The following GPC5 variants were observed in gnomAD, a reference collection of about 807,000 sequenced individuals.
GPC5 encodes glypican 5.
In GPC5, 47 loss-of-function variants were observed where a neutral mutation model predicts 53.9. The ratio of observed to expected loss-of-function variants is 0.87; its 90% CI spans 0.69 to 1.11. GPC5 has a LOEUF of 1.11. Ranked by LOEUF, GPC5 falls within the 50% of genes most tolerant of loss-of-function variation. The pLI, the probability that GPC5 is intolerant of heterozygous loss-of-function variation, is 0.00. For synonymous variants in GPC5, 286 were observed against 263.3 expected, an observed-to-expected ratio of 1.09 and a Z score of -0.84; for missense variants, 748 against 713.1, an observed-to-expected ratio of 1.05 and a Z score of -0.56.
intron 6 of GPC5, among the ~76,000 whole-genome samples, chr13:92,096,098 A>G (rs747107451): frequency 6.6e-6 from 1 of 152,190 alleles, no homozygotes; most frequent in Non-Finnish European, 1.5e-5. Context: ...CAGTCACCAC[A>G]TGTCAGATGG....
intron 7 of GPC5, among the ~76,000 whole-genome samples, chr13:92,520,216 A>G (rs945971913): frequency 1.3e-5 from 2 of 152,196 alleles, no homozygotes; most frequent in African/African-American, 4.8e-5. Flanking sequence ...AGGAGCTGGT[A>G]CCATTCCTTC....
chr13:92,845,899 C>T (rs1473516148), intron 7 of GPC5, among the ~76,000 whole-genome samples: 1 of 152,022 alleles, frequency 6.6e-6, no homozygotes, highest in African/African-American at 2.4e-5. Context: ...TATTTAATAA[C>T]ATTGTAACCA....
At chr13:92,209,649 CAT>C (rs1413432910) in intron 7 of GPC5, among the ~76,000 whole-genome samples, 13 of 152,062 alleles carry the variant, frequency 8.5e-5, no homozygotes, top group Admixed American at 2.6e-4. Context: ...ATAAAAATAA[CAT>C]GTGTGTGAGA....
Position 92,282,961 on chromosome 13 carries a change from G to A in GPC5, c.1561+137972G>A, listed in dbSNP as rs544447226. ...ACACAGACTGGCTAATTGGATAAAAGAGTCAAGACCCATCAGTGTGCTGTA... is the reference window on the plus strand; with the variant it reads ...ACACAGACTGGCTAATTGGATAAAAAAGTCAAGACCCATCAGTGTGCTGTA... On this transcript the variant is annotated intron_variant, in intron 7 of 7. Coordinates refer to ENST00000377067, the MANE Select transcript of GPC5 (RefSeq NM_004466.6). Among the ~76,000 whole-genome samples, 13 of 152,288 alleles carry A rather than the reference G, an allele frequency of 8.5e-5. No individual in the cohort carries two copies. The East Asian group carries it at 2.3e-3, about 27-fold the overall frequency.
intron 1 of GPC5, among the ~76,000 whole-genome samples, chr13:91,427,580 T>A (rs1879147056): frequency 6.6e-6 from 1 of 152,186 alleles, no homozygotes. Flanking sequence ...TGTTTTTGAT[T>A]TTACAGGCTC....
chr13:92,693,274 G>A (rs1887466413), intron 7 of GPC5, among the ~76,000 whole-genome samples: 1 of 152,158 alleles, frequency 6.6e-6, no homozygotes, highest in Non-Finnish European at 1.5e-5. Context: ...AAGTTAACCT[G>A]AAAATGTGGA....
At chr13:92,100,710 A>G (rs2041459464) in intron 6 of GPC5, among the ~76,000 whole-genome samples, 1 of 152,238 alleles carries the variant, frequency 6.6e-6, no homozygotes, top group African/African-American at 2.4e-5. Context: ...GTCCACTGTC[A>G]TCTTTTTGGA....
At chr13:92,058,091 G>C (rs941991446) in intron 6 of GPC5, among the ~76,000 whole-genome samples, 2 of 152,188 alleles carry the variant, frequency 1.3e-5, no homozygotes, top group Admixed American at 1.3e-4. Flanking sequence ...GAAGAAGATT[G>C]AATCTCAGTT....
intron 7 of GPC5, among the ~76,000 whole-genome samples, chr13:92,700,441 T>C (rs771969933): frequency 1.3e-5 from 2 of 152,046 alleles, no homozygotes; most frequent in African/African-American, 2.4e-5. Flanking sequence ...CCCATTTACA[T>C]TTAAGGTTAA....
intron 7 of GPC5, among the ~76,000 whole-genome samples, chr13:92,813,944 CA>C (rs1203220735): frequency 6.6e-6 from 1 of 151,746 alleles, no homozygotes; most frequent in African/African-American, 2.4e-5. Flanking sequence ...AAACAATTTG[CA>C]AAAATAATTC....
intron 7 of GPC5, among the ~76,000 whole-genome samples, chr13:92,657,048 T>C (rs1834925567): frequency 6.6e-6 from 1 of 152,160 alleles, no homozygotes; most frequent in Admixed American, 6.6e-5. Context: ...TGAAATAATT[T>C]TAGGTAATTG....
intron 7 of GPC5, among the ~76,000 whole-genome samples, chr13:92,165,498 C>T (rs556842558): frequency 6.6e-6 from 1 of 152,200 alleles, no homozygotes; most frequent in East Asian, 1.9e-4. Flanking sequence ...GGCACTTCTT[C>T]ACAGGGTGAC....
In GPC5 at chr13:91,503,817, A is replaced by AATCATCATC. The variant is rs1230141661; in HGVS notation, c.325+54899_325+54900insTCATCATCA. Among the ~76,000 whole-genome samples, 949 of 147,410 alleles carry AATCATCATC rather than the reference A, an allele frequency of 6.4e-3. 15 individuals are homozygous for AATCATCATC. Among genetic ancestry groups the AATCATCATC allele is most frequent in the African/African-American group, 0.022 (894 of 40,094 alleles). On this transcript the variant is annotated intron_variant, in intron 2 of 7. Transcript: ENST00000377067. ...TAATAATAATAATAATAATAATAAT[A>AATCATCATC]ATCAGGCTGTTGTGGCACATTAGGG...
rs534065198 is a variant in GPC5 at position 91,407,464 on chromosome 13, G to A, written c.163+8255G>A. Among the ~76,000 whole-genome samples, 88 of 152,308 alleles carry A rather than the reference G, an allele frequency of 5.8e-4. 3 individuals carry two copies. The South Asian group carries it at 0.018, about 32-fold the overall frequency. On this transcript the variant is annotated intron_variant, in intron 1 of 7. Coordinates refer to ENST00000377067, the MANE Select transcript of GPC5 (RefSeq NM_004466.6). The stretch of plus-strand genomic sequence containing the variant: ...CGTCATGTAGTGGGGTGACTGATCT[G>A]CCTTACAGCATTGATCTGTTGTTGA...
intron 7 of GPC5, among the ~76,000 whole-genome samples, chr13:92,234,777 G>A (rs959562751): frequency 5.9e-5 from 9 of 151,954 alleles, no homozygotes; most frequent in Admixed American, 3.9e-4. Context: ...GAATTCTTAC[G>A]GCCTGGTGCA....
At chr13:92,815,887 A>T (rs189644297) in intron 7 of GPC5, among the ~76,000 whole-genome samples, 2 of 152,136 alleles carry the variant, frequency 1.3e-5, no homozygotes, top group East Asian at 3.9e-4. Flanking sequence ...GGGGAAAAAC[A>T]GTTTTGGAGA....
chr13:91,904,825 A>G (rs2039536478), intron 5 of GPC5, among the ~76,000 whole-genome samples: 3 of 152,182 alleles, frequency 2.0e-5, no homozygotes, highest in African/African-American at 7.2e-5. Flanking sequence ...GAGTGGAAGC[A>G]CTGGAGCATG....
chr13:92,779,062 T>C (rs1374466774), intron 7 of GPC5, among the ~76,000 whole-genome samples: 2 of 152,050 alleles, frequency 1.3e-5, no homozygotes, highest in Non-Finnish European at 2.9e-5. Flanking sequence ...GATAAAGACA[T>C]ACCTGAGACT....
intron 6 of GPC5, among the ~76,000 whole-genome samples, chr13:91,983,216 G>A (rs985969389): frequency 6.6e-6 from 1 of 152,074 alleles, no homozygotes; most frequent in Non-Finnish European, 1.5e-5. Flanking sequence ...CGTACTGGCG[G>A]GCGCCTGTAG....
Sources: gnomAD v4.1 joint callset for allele counts (sites outside exome capture counted in the v4.1 genomes callset) on GRCh38, gnomAD v4.1.1 for gene constraint, MANE v1.5 for transcripts, NCBI Gene and HGNC (gene_info 2026-07-23, HGNC 2026-07-21) for gene names.